Variants in CCDC178 observed in about 807,000 individuals in gnomAD.
CCDC178 encodes coiled-coil domain-containing protein 178.
CCDC178 carries 126 observed loss-of-function variants against 117.4 expected under a neutral mutation model. The ratio of observed to expected loss-of-function variants is 1.07; its 90% confidence interval spans 0.93 to 1.24. The LOEUF is 1.24. CCDC178 is among the 50% of genes most tolerant of loss of function. The pLI is 0.00. For synonymous variants in CCDC178, 283 were observed against 313.4 expected, an observed-to-expected ratio of 0.90 and a Z score of 1.02; for missense variants, 1,030 against 986.9, an observed-to-expected ratio of 1.04 and a Z score of -0.59.
At chr18:33,352,792 G>A (rs2062994649) in intron 7 of CCDC178, among the ~76,000 whole-genome samples, 1 of 151,982 alleles carries the variant, frequency 6.6e-6, no homozygotes, top group Non-Finnish European at 1.5e-5. Flanking sequence ...GTATAATTTT[G>A]ATCTTTTTCG....
chr18:33,201,355 T>C (rs912826804), intron 20 of CCDC178, among the ~76,000 whole-genome samples: 1 of 152,238 alleles, frequency 6.6e-6, no homozygotes, highest in South Asian at 2.1e-4. Flanking sequence ...TACTTGCCCC[T>C]TTCATCTTTA....
intron 3 of CCDC178, among the ~76,000 whole-genome samples, chr18:33,408,594 TA>T (rs1359394471): frequency 6.6e-6 from 1 of 151,982 alleles, no homozygotes; most frequent in Non-Finnish European, 1.5e-5. Flanking sequence ...TAAGCCAAAT[TA>T]TAAGTGCACA....
At chr18:33,197,656 C>G (rs369716787) in intron 20 of CCDC178, among the ~76,000 whole-genome samples, 36 of 151,874 alleles carry the variant, frequency 2.4e-4, no homozygotes, top group African/African-American at 8.2e-4. Flanking sequence ...ATGCTCGAAC[C>G]CTGAAAGATC....
chr18:33,247,964 C>A (rs543858935), intron 14 of CCDC178, among the ~76,000 whole-genome samples: 4 of 151,400 alleles, frequency 2.6e-5, no homozygotes, highest in African/African-American at 9.7e-5. Context: ...TTTAAAAATG[C>A]GAGAAATTTC....
At chr18:33,399,215 G>A (rs1235977801) in intron 3 of CCDC178, among the ~76,000 whole-genome samples, 1 of 149,334 alleles carries the variant, frequency 6.7e-6, no homozygotes, top group African/African-American at 2.5e-5. Context: ...AAAAAAAAAA[G>A]TTAATGGTCA....
At chr18:33,394,969 A>ATATATG (rs2063615441) in intron 4 of CCDC178, among the ~76,000 whole-genome samples, 1 of 134,814 alleles carries the variant, frequency 7.4e-6, no homozygotes, top group Non-Finnish European at 1.6e-5. Flanking sequence ...ATATATATAT[A>ATATATG]TATATATATA....
intron 5 of CCDC178, among the ~76,000 whole-genome samples, chr18:33,387,605 T>C (rs1028800958): frequency 6.6e-6 from 1 of 152,098 alleles, no homozygotes; most frequent in Non-Finnish European, 1.5e-5. Context: ...AAAGAAGCAA[T>C]GGGGAAACGA....
At chr18:33,142,664 T>A (rs1364789895) in intron 20 of CCDC178, among the ~76,000 whole-genome samples, 1 of 152,090 alleles carries the variant, frequency 6.6e-6, no homozygotes, top group East Asian at 1.9e-4. Context: ...TTAACAGAAT[T>A]CAAGCAGATG....
intron 21 of CCDC178, among the ~76,000 whole-genome samples, chr18:33,060,216 A>G (rs1207203444): frequency 6.6e-6 from 1 of 152,158 alleles, no homozygotes; most frequent in East Asian, 1.9e-4. Context: ...CATTGGTAAA[A>G]GGAGCCAAAT....
Position 32,988,118 on chromosome 18 carries a change from T to A in CCDC178, c.2389-13437A>T, listed in dbSNP as rs144842009. Among the ~76,000 whole-genome samples, 895 of 132,878 alleles carry A rather than the reference T, an allele frequency of 6.7e-3. 11 individuals are homozygous for A. The highest frequency in any genetic ancestry group is 0.025 in the African/African-American group (858 of 34,824). 87.2% of individuals were successfully genotyped at this position (132,878 alleles called of 152,430 possible). On this transcript the variant is annotated intron_variant, in intron 21 of 22. Transcript: ENST00000383096. The stretch of plus-strand genomic sequence containing the variant: ...ATAATAATAATAATAATAATAATAA[T>A]AAATTTATCAAAATTAATCATAAAA...
chr18:33,402,951 A>G (rs2144867250), intron 3 of CCDC178, among the ~76,000 whole-genome samples: 1 of 152,290 alleles, frequency 6.6e-6, no homozygotes, highest in East Asian at 1.9e-4. Flanking sequence ...AGACTTGTAG[A>G]TTTTTTTAAA....
At chr18:33,338,860 C>G (rs893130077) in intron 9 of CCDC178, among the ~76,000 whole-genome samples, 2 of 152,048 alleles carry the variant, frequency 1.3e-5, no homozygotes, top group Non-Finnish European at 2.9e-5. Context: ...TGTAACCCAA[C>G]ACCACCTGTT....
intron 20 of CCDC178, among the ~76,000 whole-genome samples, chr18:33,208,058 A>G (rs1003090598): frequency 2.0e-5 from 3 of 152,114 alleles, no homozygotes; most frequent in Non-Finnish European, 2.9e-5. Context: ...TAAAATGTTC[A>G]TTCCTCAAAC....
intron 10 of CCDC178, among the ~76,000 whole-genome samples, chr18:33,324,317 G>A (rs1402659015): frequency 1.3e-5 from 2 of 151,872 alleles, no homozygotes; most frequent in Non-Finnish European, 3.0e-5. Flanking sequence ...CACAACGCAT[G>A]TATGAGGGAC....
intron 15 of CCDC178, among the ~76,000 whole-genome samples, chr18:33,234,470 A>T (rs1161623507): frequency 6.6e-6 from 1 of 152,152 alleles, no homozygotes; most frequent in African/African-American, 2.4e-5. Context: ...GAACAGAGAG[A>T]GATAAGGAAG....
intron 14 of CCDC178, among the ~76,000 whole-genome samples, chr18:33,254,363 C>T (rs542864526): frequency 6.7e-5 from 10 of 150,300 alleles, no homozygotes; most frequent in African/African-American, 2.4e-4. Flanking sequence ...ATAAGCAAAC[C>T]GGCAGTAACT....
chr18:33,127,556 C>T (rs1215909218), intron 20 of CCDC178, among the ~76,000 whole-genome samples: 1 of 152,144 alleles, frequency 6.6e-6, no homozygotes. Flanking sequence ...CTGCCTCAGC[C>T]TCCTGAGTAG....
chr18:33,186,938 C>T (rs1237793528), intron 20 of CCDC178, among the ~76,000 whole-genome samples: 2 of 151,916 alleles, frequency 1.3e-5, no homozygotes, highest in African/African-American at 4.8e-5. Context: ...TGTACTAGTC[C>T]GTTTTCACAC....
chr18:33,242,626 T>A (rs868435816), intron 15 of CCDC178, among the ~76,000 whole-genome samples: 3 of 131,504 alleles, frequency 2.3e-5, no homozygotes, highest in East Asian at 4.7e-4. Context: ...CAAAAAAAAA[T>A]CATACAAATT....
Sources: allele counts gnomAD v4.1 joint callset (sites outside exome capture counted in the v4.1 genomes callset), GRCh38; gene constraint gnomAD v4.1.1; transcripts MANE v1.5; gene names NCBI Gene and HGNC (gene_info 2026-07-23, HGNC 2026-07-21).